PRTG: variants seen among roughly 807,000 people sequenced by gnomAD.
PRTG encodes protogenin.
PRTG carries 67 observed loss-of-function variants against 122.5 expected under a neutral mutation model. The observed-to-expected ratio is 0.55, with a 90% CI of 0.45 to 0.67. The LOEUF is 0.67. PRTG is among the 30% of genes least tolerant of loss of function. The pLI is 0.00. For synonymous variants in PRTG, 554 were observed against 501.1 expected, an observed-to-expected ratio of 1.11 and a Z score of -1.41; for missense variants, 1,435 against 1,415.4, an observed-to-expected ratio of 1.01 and a Z score of -0.22.
At chr15:55,702,473 T>C (rs1335196684) in intron 2 of PRTG, among the ~76,000 whole-genome samples, 1 of 152,182 alleles carries the variant, frequency 6.6e-6, no homozygotes, top group Non-Finnish European at 1.5e-5. Context: ...TCCTAGAGTA[T>C]GTATGGATTC....
At chr15:55,647,381 T>G (rs1345619063) in intron 11 of PRTG, among the ~76,000 whole-genome samples, 1 of 152,216 alleles carries the variant, frequency 6.6e-6, no homozygotes, top group Non-Finnish European at 1.5e-5. Context: ...AGTCAGGCAC[T>G]GCATGAGAGA....
chr15:55,702,133 A>G (rs912555882), intron 2 of PRTG, among the ~76,000 whole-genome samples: 2 of 152,190 alleles, frequency 1.3e-5, no homozygotes, highest in Non-Finnish European at 2.9e-5. Context: ...AAAAAACAGA[A>G]AAGATTCTAT....
At position 55,672,451 on chromosome 15, in the gene PRTG, C is replaced by T; in HGVS notation, c.2035G>A (p.Gly679Ser). 1 of 1,612,548 alleles carries T rather than the reference C, an allele frequency of 6.2e-7. No homozygotes were observed. Among genetic ancestry groups the T allele is most frequent in the Non-Finnish European group, 8.5e-7 (1 of 1,179,242 alleles). The change falls in exon 11 of 20, where the codon GGC becomes AGC. Residue 679 changes from glycine to serine, a missense_variant. Gly to Ser is a moderately conservative substitution (Grantham distance 56). Coordinates refer to ENST00000389286, the MANE Select transcript of PRTG (RefSeq NM_173814.6). ...DTKDLLYTLS[G>S]LDPRRKYHVR... is the part of the protein sequence containing the mutation. ...ACAGTACAAACTCACTCACCTAAGC[C>T]ACTGAGAGTATAGAGTAGGTCCTTG... is the stretch of plus-strand genomic sequence containing the variant.
chr15:55,633,032 G>A (rs1004559038), intron 15 of PRTG, among the ~76,000 whole-genome samples: 2 of 152,162 alleles, frequency 1.3e-5, no homozygotes, highest in South Asian at 2.1e-4. Context: ...TCTAACAAGA[G>A]GAAAGGTATA....
At chr15:55,661,753 C>T (rs754174506) in intron 11 of PRTG, among the ~76,000 whole-genome samples, 1 of 152,132 alleles carries the variant, frequency 6.6e-6, no homozygotes, top group Non-Finnish European at 1.5e-5. Flanking sequence ...CTGATCCCAC[C>T]TCCCCACCAC....
At chr15:55,742,011 C>T (rs2031624628) in intron 1 of PRTG, among the ~76,000 whole-genome samples, 1 of 152,196 alleles carries the variant, frequency 6.6e-6, no homozygotes, top group East Asian at 1.9e-4. Context: ...ACTTTTATCT[C>T]TTCTAGGAAA....
chr15:55,675,758 G>C, intron 8 of PRTG, 75 bp from the exon 9 acceptor site: 1 of 833,062 alleles, frequency 1.2e-6, no homozygotes, highest in Non-Finnish European at 1.9e-6. Context: ...CCTGCACTGT[G>C]AAACACTGGT....
Position 55,696,438 on chromosome 15 carries a change from T to G in PRTG, c.398-12507A>C, listed in dbSNP as rs73408341. The stretch of plus-strand genomic sequence containing the variant: ...CTAATCAAAACACAGTGGTAACTTC[T>G]TGCCTTATCAAGTCTGATTCACTCT... On this transcript the variant is annotated intron_variant, in intron 2 of 19. Transcript: ENST00000389286. 4.8e-3 allele frequency among the ~76,000 whole-genome samples: 738 copies of G among 152,342 alleles called. 8 individuals carry two copies. Among genetic ancestry groups the G allele is most frequent in the African/African-American group, 0.017 (713 of 41,578 alleles).
At chr15:55,733,240 C>T (rs562795482) in intron 2 of PRTG, among the ~76,000 whole-genome samples, 14 of 152,040 alleles carry the variant, frequency 9.2e-5, no homozygotes, top group Non-Finnish European at 2.1e-4. Flanking sequence ...GGCGTGGTGG[C>T]TCACACCTGT....
At chr15:55,734,193 A>G (rs905931888) in intron 2 of PRTG, among the ~76,000 whole-genome samples, 2 of 152,220 alleles carry the variant, frequency 1.3e-5, no homozygotes, top group Non-Finnish European at 2.9e-5. Flanking sequence ...GAGATACCTA[A>G]CTACCACAGG....
intron 11 of PRTG, among the ~76,000 whole-genome samples, chr15:55,653,177 C>T (rs144885110): frequency 5.9e-5 from 9 of 152,156 alleles, no homozygotes; most frequent in Non-Finnish European, 1.3e-4. Flanking sequence ...ATAGACAGAA[C>T]GGCAGTTGGA....
chr15:55,742,494 A>C, intron 1 of PRTG: 12 of 203,834 alleles, frequency 5.9e-5, no homozygotes, highest in East Asian at 1.0e-4. Context: ...CCGGTCGCGG[A>C]GGCGCGGACG....
At chr15:55,710,700 AAC>A (rs2030346307) in intron 2 of PRTG, among the ~76,000 whole-genome samples, 1 of 130,450 alleles carries the variant, frequency 7.7e-6, no homozygotes, top group Non-Finnish European at 1.8e-5. Flanking sequence ...CTATAAACTA[AAC>A]AGTTATGTTT....
intron 2 of PRTG, among the ~76,000 whole-genome samples, chr15:55,699,137 T>C (rs756551073): frequency 4.6e-5 from 7 of 152,232 alleles, no homozygotes; most frequent in African/African-American, 1.7e-4. Context: ...GTTACAGCCA[T>C]TGTAGCCATT....
At chr15:55,652,508 C>T (rs1017892061) in intron 11 of PRTG, among the ~76,000 whole-genome samples, 4 of 152,158 alleles carry the variant, frequency 2.6e-5, no homozygotes, top group Non-Finnish European at 2.9e-5. Flanking sequence ...GGTGACTGCA[C>T]TGCCCCCAAG....
chr15:55,708,911 G>A (rs554306822), intron 2 of PRTG, among the ~76,000 whole-genome samples: 142 of 152,104 alleles, frequency 9.3e-4, no homozygotes, highest in African/African-American at 2.5e-3. Flanking sequence ...TTGGGAGTCC[G>A]AGGCAGGCAG....
intron 12 of PRTG, among the ~76,000 whole-genome samples, chr15:55,640,536 G>A (rs2059283745): frequency 1.3e-5 from 2 of 152,200 alleles, no homozygotes; most frequent in African/African-American, 4.8e-5. Flanking sequence ...AGCAGTACAA[G>A]TGAACAGCAA....
At chr15:55,637,398 A>G in intron 14 of PRTG, 58 bp from the exon 15 acceptor site, 2 of 1,386,332 alleles carry the variant, frequency 1.4e-6, no homozygotes, top group Non-Finnish European at 9.5e-7. Context: ...TAAATACTCA[A>G]ATACCTGGCT....
intron 11 of PRTG, among the ~76,000 whole-genome samples, chr15:55,658,234 G>C (rs1465068949): frequency 6.6e-6 from 1 of 152,076 alleles, no homozygotes; most frequent in Non-Finnish European, 1.5e-5. Flanking sequence ...GATTTCTCCA[G>C]CTTTTCCAAT....
Sources: allele counts gnomAD v4.1 joint callset (sites outside exome capture counted in the v4.1 genomes callset), GRCh38; gene constraint gnomAD v4.1.1; transcripts MANE v1.5; gene names NCBI Gene and HGNC (gene_info 2026-07-23, HGNC 2026-07-21).